The following TRAPPC9 variants were observed in gnomAD, a reference collection of about 807,000 sequenced individuals.
TRAPPC9 encodes the protein trafficking protein particle complex subunit 9.
In TRAPPC9, 83 loss-of-function variants were observed where a neutral mutation model predicts 124.0. The observed-to-expected ratio is 0.67, with a 90% CI of 0.56 to 0.80. TRAPPC9 has a LOEUF of 0.80. TRAPPC9 is among the 30% of genes least tolerant of loss of function. TRAPPC9 has a pLI of 0.00. For synonymous variants in TRAPPC9, 638 were observed against 617.5 expected (o/e 1.03, Z -0.49); for missense variants, 1,302 against 1,508.3 (o/e 0.86, Z 2.27).
chr8:140,262,525 G>C (rs539838660), intron 15 of TRAPPC9: 10 of 151,826 alleles, frequency 6.6e-5, no homozygotes, highest in Non-Finnish European at 1.3e-4. Flanking sequence ...TATACGGTGG[G>C]GGGGGGCAGC....
At chr8:140,045,359 C>T (rs1841518294) in intron 17 of TRAPPC9, among the ~76,000 whole-genome samples, 1 of 152,170 alleles carries the variant, frequency 6.6e-6, no homozygotes, top group Non-Finnish European at 1.5e-5. Flanking sequence ...GGTGCGGTGG[C>T]TCATGCCTGT....
chr8:139,879,891 C>T (rs1197127546), intron 21 of TRAPPC9, among the ~76,000 whole-genome samples: 1 of 152,228 alleles, frequency 6.6e-6, no homozygotes, highest in African/African-American at 2.4e-5. Context: ...GCATAAGTAA[C>T]TGCTCAGGGC....
intron 21 of TRAPPC9, among the ~76,000 whole-genome samples, chr8:139,795,004 T>C (rs1057442223): frequency 2.6e-5 from 4 of 152,178 alleles, no homozygotes; most frequent in Non-Finnish European, 4.4e-5. Flanking sequence ...AGAACCAGCA[T>C]TCATTAAGCA....
intron 21 of TRAPPC9, among the ~76,000 whole-genome samples, chr8:139,787,140 T>C (rs1392420153): frequency 6.6e-6 from 1 of 152,186 alleles, no homozygotes; most frequent in Non-Finnish European, 1.5e-5. Flanking sequence ...GTCCTTGCCT[T>C]TCTTATGAAA....
chr8:139,980,036 G>A (rs1587401137), intron 19 of TRAPPC9, among the ~76,000 whole-genome samples: 2 of 109,744 alleles, frequency 1.8e-5, no homozygotes, highest in African/African-American at 3.7e-5. Context: ...TTCTGTCTAC[G>A]ATTCCTGCAG....
At chr8:139,765,778 C>A (rs150318578) in intron 21 of TRAPPC9, among the ~76,000 whole-genome samples, 6 of 152,160 alleles carry the variant, frequency 3.9e-5, no homozygotes, top group Non-Finnish European at 8.8e-5. Context: ...AAATGCCAAG[C>A]CTGTGCCAGT....
chr8:139,924,728 A>G (rs1045605894), intron 19 of TRAPPC9, among the ~76,000 whole-genome samples: 1 of 152,118 alleles, frequency 6.6e-6, no homozygotes, highest in Non-Finnish European at 1.5e-5. Flanking sequence ...ACTTTAACCC[A>G]TCATCAGCCA....
intron 21 of TRAPPC9, among the ~76,000 whole-genome samples, chr8:139,833,825 G>A (rs1372581164): frequency 1.3e-5 from 2 of 152,196 alleles, no homozygotes; most frequent in Non-Finnish European, 2.9e-5. Flanking sequence ...AGGAGGGGCC[G>A]GGAATGAACT....
At chr8:140,042,495 A>G (rs1841337467) in intron 17 of TRAPPC9, among the ~76,000 whole-genome samples, 1 of 152,222 alleles carries the variant, frequency 6.6e-6, no homozygotes, top group African/African-American at 2.4e-5. Context: ...TTCCTGAGAA[A>G]GACCAAGGCA....
At chr8:140,447,953 T>C (rs1218971545) in intron 2 of TRAPPC9, among the ~76,000 whole-genome samples, 1 of 152,050 alleles carries the variant, frequency 6.6e-6, no homozygotes, top group Non-Finnish European at 1.5e-5. Context: ...GAGACCAGCC[T>C]GGCCAACATG....
intron 9 of TRAPPC9, among the ~76,000 whole-genome samples, chr8:140,340,589 T>A (rs1466901122): frequency 6.6e-6 from 1 of 152,224 alleles, no homozygotes; most frequent in African/African-American, 2.4e-5. Context: ...CACAATCTTC[T>A]TATTTTTGCA....
At position 140,036,082 on chromosome 8, in the gene TRAPPC9, G is replaced by A. The variant is rs183935407; in HGVS notation, c.2557-12003C>T. Among the ~76,000 whole-genome samples, 1,064 of 152,270 alleles carry A rather than the reference G, an allele frequency of 7.0e-3. 13 individuals carry two copies. The highest frequency in any genetic ancestry group is 0.024 in the African/African-American group (994 of 41,556). On this transcript the variant is annotated intron_variant, in intron 17 of 22. Transcript: ENST00000438773. The stretch of plus-strand genomic sequence containing the variant: ...CACTGGCTACGAGGGTCCATGTGGC[G>A]GGGCTACAGAGAGAGCAGAGGCAGC...
At chr8:139,977,681 A>G (rs2131642032) in intron 19 of TRAPPC9, among the ~76,000 whole-genome samples, 1 of 148,396 alleles carries the variant, frequency 6.7e-6, no homozygotes, top group East Asian at 2.1e-4. Context: ...TCATTCATTC[A>G]TTCATTCATT....
chr8:140,221,606 A>C (rs772029960), intron 16 of TRAPPC9, 23 bp from the exon 17 acceptor site: 2 of 1,610,218 alleles, frequency 1.2e-6, no homozygotes, highest in Non-Finnish European at 8.5e-7. Flanking sequence ...AACAAAAATC[A>C]TAAGTAACAC....
chr8:139,958,582 T>C (rs1001017383), intron 19 of TRAPPC9, among the ~76,000 whole-genome samples: 18 of 152,172 alleles, frequency 1.2e-4, no homozygotes, highest in African/African-American at 4.3e-4. Context: ...ATGTGTCTAA[T>C]TGGATAAAAG....
chr8:139,794,385 G>A (rs916492263), intron 21 of TRAPPC9, among the ~76,000 whole-genome samples: 2 of 152,210 alleles, frequency 1.3e-5, no homozygotes, highest in African/African-American at 4.8e-5. Flanking sequence ...ATCTCAGGCC[G>A]TTTCCAGATG....
At chr8:140,118,942 A>G (rs972517380) in intron 17 of TRAPPC9, among the ~76,000 whole-genome samples, 3 of 152,128 alleles carry the variant, frequency 2.0e-5, no homozygotes, top group African/African-American at 7.2e-5. Context: ...TTCCCCTAGG[A>G]CAGTCCCTCT....
intron 15 of TRAPPC9, among the ~76,000 whole-genome samples, chr8:140,254,662 G>A (rs2064205196): frequency 6.6e-6 from 1 of 152,198 alleles, no homozygotes; most frequent in African/African-American, 2.4e-5. Flanking sequence ...TGCCCCTCCA[G>A]CCTAGGAGGC....
intron 16 of TRAPPC9, among the ~76,000 whole-genome samples, chr8:140,230,900 C>T (rs1311087918): frequency 6.6e-6 from 1 of 152,162 alleles, no homozygotes; most frequent in Non-Finnish European, 1.5e-5. Flanking sequence ...CGGAAATCAT[C>T]AAGAGAAGTG....
Sources: gnomAD v4.1 joint callset for allele counts (sites outside exome capture counted in the v4.1 genomes callset) on GRCh38, gnomAD v4.1.1 for gene constraint, MANE v1.5 for transcripts, NCBI Gene and HGNC (gene_info 2026-07-23, HGNC 2026-07-21) for gene names.